The following VWA3A variants were observed in gnomAD, a reference collection of about 807,000 sequenced individuals.
VWA3A encodes von Willebrand factor A domain-containing protein 3A.
A neutral mutation model predicts 160.4 loss-of-function variants in VWA3A; 134 were observed. The observed-to-expected ratio is 0.84, with a 90% confidence interval of 0.73 to 0.96. The LOEUF (loss-of-function observed/expected upper bound fraction) is 0.96. VWA3A is among the 40% of genes least tolerant of loss of function. The pLI is 0.00. For missense variants in VWA3A, 1,310 were observed against 1,447.9 expected (o/e 0.90, Z 1.55); for synonymous variants, 476 against 543.4 (o/e 0.88, Z 1.72).
chr16:22,118,546 C>T (rs1254931298), intron 11 of VWA3A, among the ~76,000 whole-genome samples: 1 of 151,954 alleles, frequency 6.6e-6, no homozygotes, highest in Non-Finnish European at 1.5e-5. Flanking sequence ...ATTAGCCGGG[C>T]GTGGTGGCGG....
At position 22,144,206 on chromosome 16, in the gene VWA3A, C is replaced by G. The variant is rs776118790; in HGVS notation, c.2593-41C>G. On this transcript the variant is annotated intron_variant, in intron 25 of 33. Coordinates refer to ENST00000389398, the MANE Select transcript of VWA3A (RefSeq NM_173615.5). ...CAGTCAGATGATCATTCAGTTGAGT[C>G]TGAATTGCCTAAGATAATAGTTCTT... The G allele has an allele frequency of 1.1e-5, 18 of 1,572,962 alleles. No homozygotes were observed. In the South Asian group the frequency reaches 2.0e-4, roughly 18 times the overall value.
chr16:22,107,712 C>A (rs1381105760), intron 6 of VWA3A, among the ~76,000 whole-genome samples: 1 of 152,126 alleles, frequency 6.6e-6, no homozygotes, highest in African/African-American at 2.4e-5. Flanking sequence ...TGCCACTGTG[C>A]ACATGGAAGC....
chr16:22,155,530 C>A, intron 31 of VWA3A, 37 bp from the exon 32 acceptor site: 1 of 1,586,020 alleles, frequency 6.3e-7, no homozygotes, highest in South Asian at 1.1e-5. Flanking sequence ...CAGCTCCCAT[C>A]CAGTCATAAA....
At chr16:22,120,838 A>C in intron 12 of VWA3A, 130 bp from the exon 13 acceptor site, 2 of 1,195,916 alleles carry the variant, frequency 1.7e-6, no homozygotes, top group Admixed American at 5.3e-5. Flanking sequence ...AGGGAAAGGC[A>C]AAACTGCCTT....
chr16:22,152,205 T>C (rs2046360838), intron 30 of VWA3A, among the ~76,000 whole-genome samples: 1 of 152,096 alleles, frequency 6.6e-6, no homozygotes, highest in East Asian at 1.9e-4. Context: ...ACTGAGACTC[T>C]GTCTCAGAAA....
intron 3 of VWA3A, 70 bp from the exon 4 acceptor site, chr16:22,100,124 C>G: frequency 2.7e-6 from 4 of 1,462,028 alleles, no homozygotes; most frequent in South Asian, 1.4e-5. Context: ...CGTTGGGTAT[C>G]TGTGTGAAGG....
At chr16:22,152,687 A>T in intron 31 of VWA3A, 53 bp downstream of exon 31, 1 of 1,555,930 alleles carries the variant, frequency 6.4e-7, no homozygotes, top group East Asian at 2.4e-5. Flanking sequence ...TCGATAAAAT[A>T]TCAACAGGCA....
rs1383817461 is a variant in VWA3A, at chr16:22,138,375, G to A, written c.2155G>A (p.Ala719Thr). ...CCCACTGCAGTGTGCCTTCCTCATG[G>A]CCTCCCTGAAGAACCATTCAGGAAA... ...NYSQKCAFLM[A>T]SLKNHSGKVL... Residue 719 changes from alanine to threonine, a missense_variant, in exon 22 of 34, where the codon GCC (alanine) becomes ACC (threonine). Ala to Thr is a moderately conservative substitution (Grantham distance 58, BLOSUM62 0). Transcript: ENST00000389398. The A allele has an allele frequency of 3.1e-6, 5 of 1,597,100 alleles. 1 individual carries two copies. The South Asian group carries it at 4.5e-5, about 14-fold the overall frequency.
At chr16:22,103,397 G>T (rs1029896635) in intron 5 of VWA3A, 78 bp from the exon 6 acceptor site, 22 of 1,301,064 alleles carry the variant, frequency 1.7e-5, no homozygotes, top group African/African-American at 3.0e-5. Context: ...ATTCATACCT[G>T]CCTTTTGTGT....
Position 22,109,617 on chromosome 16 carries a change from C to T in VWA3A, c.582+37C>T, listed in dbSNP as rs1351501381. 3 of 1,557,610 alleles carry T rather than the reference C, an allele frequency of 1.9e-6. No homozygotes were observed. In the African/African-American group the frequency reaches 4.1e-5, roughly 21 times the overall value. ...TGGCACAGAGAAACACCTGGAACCA[C>T]CCACTACCCCCAGCCTTTCCTTCCT... On this transcript the variant is annotated intron_variant, in intron 7 of 33. Transcript: ENST00000389398.
intron 11 of VWA3A, 31 bp from the exon 12 acceptor site, chr16:22,118,871 C>T (rs1342349598): frequency 6.2e-7 from 1 of 1,612,850 alleles, no homozygotes; most frequent in Admixed American, 1.7e-5. Context: ...TCAAGTGATT[C>T]CGGATGTCTG....
chr16:22,147,939 C>T (rs2046282661), intron 27 of VWA3A, among the ~76,000 whole-genome samples: 1 of 152,248 alleles, frequency 6.6e-6, no homozygotes. Context: ...GCTGAAATCT[C>T]GATCTCCCAA....
Position 22,131,700 on chromosome 16 carries a change from T to C in VWA3A, c.1843T>C (p.Phe615Leu). The C allele has an allele frequency of 1.2e-6, 2 of 1,613,924 alleles. No individual in the cohort carries two copies. Among genetic ancestry groups the C allele is most frequent in the Non-Finnish European group, 1.7e-6 (2 of 1,179,842 alleles). Residue 615 changes from phenylalanine (F) to leucine (L), a missense_variant, in exon 19 of 34, where the codon TTC becomes CTC. Transcript: ENST00000389398. ...ACACCAATCGCAGGGAATCTACCTC[T>C]TCACTGGGGGCATCCCCGACCAGGA... ...DKHQSQGIYLFTGGIPDQDMP... is the reference protein window; with the variant it reads ...DKHQSQGIYLLTGGIPDQDMP...
Position 22,100,229 on chromosome 16 carries a change from G to C in VWA3A, c.261G>C (p.Trp87Cys). 1 of 1,550,610 alleles carries C rather than the reference G, an allele frequency of 6.4e-7. No individual in the cohort carries two copies. Among genetic ancestry groups the C allele is most frequent in the South Asian group, 1.2e-5 (1 of 83,958 alleles). ...LQGSETQSSD[W>C]EDSEDWLSAH... ...GGAGTGAGACCCAGTCTTCAGATTG[G>C]GAGGACTCTGAAGACTGGCTTTCGG... The change falls in exon 4 of 34, where the codon TGG becomes TGC. Residue 87 changes from tryptophan to cysteine, a missense_variant. Physicochemically the swap from Trp to Cys is radical, Grantham distance 215 (BLOSUM62 -2). Coordinates refer to ENST00000389398, the MANE Select transcript of VWA3A (RefSeq NM_173615.5).
At chr16:22,143,238 T>C (rs1329924055) in intron 25 of VWA3A, among the ~76,000 whole-genome samples, 1 of 151,646 alleles carries the variant, frequency 6.6e-6, no homozygotes, top group Non-Finnish European at 1.5e-5. Flanking sequence ...AAATTCAAAA[T>C]CTAGGTCTGC....
rs760883866 is a variant in VWA3A at position 22,144,359 on chromosome 16, G to A, written c.2705G>A (p.Ser902Asn). ...GQRSASAKHCSIFPSVEIHGV... is the reference protein window; with the variant it reads ...GQRSASAKHCNIFPSVEIHGV... ...AGGTCAGCATCCGCCAAACACTGCA[G>A]CATCTTCCCCAGCGTTGAGATCCAT... The change falls in exon 26 of 34, where the codon AGC becomes AAC. Residue 902 changes from serine to asparagine, a missense_variant. Physicochemically the swap from Ser to Asn is conservative, Grantham distance 46. Coordinates refer to ENST00000389398, the MANE Select transcript of VWA3A (RefSeq NM_173615.5). 2.5e-6 allele frequency: 4 copies of A among 1,613,726 alleles called. No individual in the cohort carries two copies. The highest frequency in any genetic ancestry group is 3.4e-6 in the Non-Finnish European group (4 of 1,179,870).
intron 26 of VWA3A, among the ~76,000 whole-genome samples, chr16:22,144,787 G>A (rs1459515213): frequency 1.3e-5 from 2 of 152,130 alleles, no homozygotes; most frequent in East Asian, 3.9e-4. Context: ...GCAGCTGTGT[G>A]CCTGTAGTCC....
rs144669495 is a variant in VWA3A, at chr16:22,131,357, C to T, written c.1727+78C>T. On this transcript the variant is annotated intron_variant, in intron 18 of 33. Transcript: ENST00000389398. Reference sequence around the variant, plus strand: ...GCATTGTTTTCTCTGTCCCCCTCTCCACCAAGAAGTAGCTCTCTAGAGTCC... The same window carrying T: ...GCATTGTTTTCTCTGTCCCCCTCTCTACCAAGAAGTAGCTCTCTAGAGTCC... 1.3e-4 allele frequency: 195 copies of T among 1,534,920 alleles called. 1 individual carries two copies. In the East Asian group the frequency reaches 3.8e-3, roughly 30 times the overall value.
intron 30 of VWA3A, 75 bp from the exon 31 acceptor site, chr16:22,152,436 C>G: frequency 1.3e-6 from 2 of 1,573,328 alleles, no homozygotes; most frequent in Non-Finnish European, 1.7e-6. Context: ...CTTAAGTTCC[C>G]CATGGACGTG....
Sources: gnomAD v4.1 joint callset for allele counts (sites outside exome capture counted in the v4.1 genomes callset) on GRCh38, gnomAD v4.1.1 for gene constraint, MANE v1.5 for transcripts, NCBI Gene and HGNC (gene_info 2026-07-23, HGNC 2026-07-21) for gene names.